MTCL2: variants seen among roughly 807,000 people sequenced by gnomAD.
The protein encoded by MTCL2 is microtubule cross-linking factor 2.
At chr20:36,858,941 C>T in the MTCL2 span, among the ~76,000 whole-genome samples, 7 of 152,132 alleles carry the variant, frequency 4.6e-5, no homozygotes, top group African/African-American at 9.7e-5. Flanking sequence ...CAGGCGCCCA[C>T]GACCACGCCT....
chr20:36,812,437 A>T, the MTCL2 span, among the ~76,000 whole-genome samples: 1 of 152,252 alleles, frequency 6.6e-6, no homozygotes, highest in African/African-American at 2.4e-5. Flanking sequence ...TAAATTACAT[A>T]AATTGTTAAA....
At chr20:36,844,739 G>C in the MTCL2 span, among the ~76,000 whole-genome samples, 1 of 151,716 alleles carries the variant, frequency 6.6e-6, no homozygotes, top group Non-Finnish European at 1.5e-5. Context: ...GAGAAAACAG[G>C]CCAGGTGCAG....
the MTCL2 span, among the ~76,000 whole-genome samples, chr20:36,838,071 G>A: frequency 2.7e-5 from 4 of 149,482 alleles, no homozygotes; most frequent in East Asian, 4.0e-4. Flanking sequence ...TTTTTGAGAC[G>A]GAGTCTCGCT....
chr20:36,806,788 G>C, the MTCL2 span, among the ~76,000 whole-genome samples: 2 of 152,292 alleles, frequency 1.3e-5, no homozygotes, highest in South Asian at 4.2e-4. Flanking sequence ...CCAAAGTGCT[G>C]AGATTACAGG....
chr20:36,827,358 T>A, the MTCL2 span, among the ~76,000 whole-genome samples: 1 of 108,396 alleles, frequency 9.2e-6, no homozygotes, highest in African/African-American at 3.5e-5. Flanking sequence ...TGGACCCCCC[T>A]TTTTTTTTTT....
the MTCL2 span, among the ~76,000 whole-genome samples, chr20:36,822,065 C>T: frequency 6.6e-6 from 1 of 152,230 alleles, no homozygotes; most frequent in African/African-American, 2.4e-5. Flanking sequence ...CCTGACACTT[C>T]CCCCACCTTA....
At chr20:36,790,622 AG>A in the MTCL2 span, among the ~76,000 whole-genome samples, 1 of 150,038 alleles carries the variant, frequency 6.7e-6, no homozygotes, top group African/African-American at 2.5e-5. Flanking sequence ...TTTTTAGTAG[AG>A]ATGGGGTTTC....
chr20:36,842,664 C>T, the MTCL2 span, among the ~76,000 whole-genome samples: 11 of 152,214 alleles, frequency 7.2e-5, no homozygotes, highest in Admixed American at 5.9e-4. Context: ...CCCAGCTACT[C>T]GGGAGGCTGA....
the MTCL2 span, chr20:36,796,765 C>T: frequency 1.4e-5 from 13 of 949,712 alleles, no homozygotes; most frequent in Middle Eastern, 5.4e-4. Context: ...GGCAAAGGGG[C>T]GGGGCAGGGC....
chr20:36,797,029 G>T, the MTCL2 span: 1 of 1,273,158 alleles, frequency 7.9e-7, no homozygotes, highest in Non-Finnish European at 1.1e-6. Flanking sequence ...GACCAGCCCC[G>T]ACCTCAGTGC....
chr20:36,816,018 C>T, the MTCL2 span: 1 of 1,613,656 alleles, frequency 6.2e-7, no homozygotes, highest in Non-Finnish European at 8.5e-7. Context: ...CATCTCAGCC[C>T]GCAGGCCTCG....
the MTCL2 span, chr20:36,815,820 A>C: frequency 6.3e-7 from 1 of 1,595,338 alleles, no homozygotes; most frequent in Non-Finnish European, 8.5e-7. This position sits in a 1 kb window ranked among gnomAD's most constrained non-coding sequence, Gnocchi z 5.3. Context: ...CAGCTCGTTC[A>C]GCAGCAGCTT....
chr20:36,777,737 A>C, the MTCL2 span: 1 of 573,324 alleles, frequency 1.7e-6, no homozygotes, highest in East Asian at 3.5e-5. Context: ...TGACTGCAGG[A>C]CCCTCACCAG....
At chr20:36,785,484 G>A in the MTCL2 span, 2 of 985,232 alleles carry the variant, frequency 2.0e-6, no homozygotes, top group South Asian at 4.7e-5. Flanking sequence ...CCTGGGCTCT[G>A]GCCTCTTGGT....
the MTCL2 span, chr20:36,863,235 G>A: frequency 2.5e-6 from 3 of 1,199,662 alleles, no homozygotes; most frequent in South Asian, 1.2e-4. The surrounding 1 kb of genome is among the most constrained non-coding windows in gnomAD (Gnocchi z 6.2). Flanking sequence ...TTTGGGCCGG[G>A]CCGGCGACGG....
At chr20:36,815,796 G>A in the MTCL2 span, 9 of 1,591,626 alleles carry the variant, frequency 5.7e-6, no homozygotes, top group East Asian at 2.3e-5. This position sits in a 1 kb window ranked among gnomAD's most constrained non-coding sequence, Gnocchi z 5.3. Flanking sequence ...CTCGTGCTCC[G>A]AGCGGAACTT....
chr20:36,815,516 G>A, the MTCL2 span: 1 of 1,578,208 alleles, frequency 6.3e-7, no homozygotes, highest in Non-Finnish European at 8.6e-7. The surrounding 1 kb of genome is among the most constrained non-coding windows in gnomAD (Gnocchi z 5.3). Context: ...TGCAGAGTCG[G>A]ACCGCATGGG....
At chr20:36,825,659 C>A in the MTCL2 span, among the ~76,000 whole-genome samples, 2 of 152,196 alleles carry the variant, frequency 1.3e-5, no homozygotes. Flanking sequence ...GACAGCACCA[C>A]CTCGGCAGCC....
At chr20:36,787,157 G>A in the MTCL2 span, among the ~76,000 whole-genome samples, 1 of 151,476 alleles carries the variant, frequency 6.6e-6, no homozygotes, top group Non-Finnish European at 1.5e-5. Flanking sequence ...CTGGCTGATC[G>A]CCTTCTTTTT....
Sources: gnomAD v4.1 joint callset for allele counts (sites outside exome capture counted in the v4.1 genomes callset) on GRCh38, gnomAD v4.1.1 for gene constraint, Gnocchi (gnomAD v3.1) non-coding constraint, MANE v1.5 for transcripts, NCBI Gene and HGNC (gene_info 2026-07-23, HGNC 2026-07-21) for gene names.